The following SPTLC3 variants were observed in gnomAD, a reference collection of about 807,000 sequenced individuals.
SPTLC3 encodes serine palmitoyltransferase long chain base subunit 3, also known as serine palmitoyltransferase 3.
Under a neutral mutation model 59.3 loss-of-function variants are expected in SPTLC3, and 36 were observed. The ratio of observed to expected loss-of-function variants is 0.61; its 90% CI spans 0.47 to 0.80. The LOEUF is 0.80. Among genes scored for constraint, SPTLC3 ranks in the 30% least tolerant of loss-of-function variants. SPTLC3 has a pLI of 0.00. For missense variants in SPTLC3, 625 were observed against 685.1 expected (o/e 0.91, Z 0.98); for synonymous variants, 257 against 240.8 (o/e 1.07, Z -0.62).
At position 13,117,488 on chromosome 20, in the gene SPTLC3, T is replaced by A; in HGVS notation, c.933-18T>A. 1 of 1,557,400 alleles carries A rather than the reference T, an allele frequency of 6.4e-7. No individual in the cohort carries two copies. ...GGAGGGTATTTGTTAGTTATGAGCA[T>A]TTCTCCTTCTGCCCTAGCATGGAAG... On this transcript the variant is annotated intron_variant, in intron 7 of 11. Transcript: ENST00000399002.
intron 2 of SPTLC3, among the ~76,000 whole-genome samples, chr20:13,061,901 C>A (rs1987991703): frequency 6.6e-6 from 1 of 152,098 alleles, no homozygotes; most frequent in Non-Finnish European, 1.5e-5. Context: ...TGGCCAGAAC[C>A]CTTTAACATC....
intron 1 of SPTLC3, among the ~76,000 whole-genome samples, chr20:13,044,166 C>T (rs1311437582): frequency 6.7e-6 from 1 of 149,728 alleles, no homozygotes; most frequent in Non-Finnish European, 1.5e-5. Flanking sequence ...GTGATGCAAT[C>T]TTGGCTCACT....
chr20:13,080,613 A>T (rs1454459785), intron 4 of SPTLC3, among the ~76,000 whole-genome samples: 1 of 152,094 alleles, frequency 6.6e-6, no homozygotes, highest in Admixed American at 6.6e-5. Flanking sequence ...ATATTGAGAT[A>T]TCCTTTTTCC....
intron 9 of SPTLC3, among the ~76,000 whole-genome samples, chr20:13,137,776 C>A (rs1407070726): frequency 1.3e-5 from 2 of 152,212 alleles, no homozygotes; most frequent in African/African-American, 4.8e-5. Context: ...AGAAAGCAAT[C>A]CAGGCCTTCC....
chr20:13,024,248 T>A (rs961699084), intron 1 of SPTLC3, among the ~76,000 whole-genome samples: 5 of 152,188 alleles, frequency 3.3e-5, no homozygotes, highest in Admixed American at 6.5e-5. Context: ...GACCTGTCTT[T>A]TTATCATTAG....
chr20:13,012,644 A>C (rs1293066484), intron 1 of SPTLC3, among the ~76,000 whole-genome samples: 1 of 152,222 alleles, frequency 6.6e-6, no homozygotes. Context: ...AGGGCTAAGC[A>C]CTTCAGGCAG....
intron 6 of SPTLC3, among the ~76,000 whole-genome samples, chr20:13,100,094 T>C (rs1989552022): frequency 6.6e-6 from 1 of 152,216 alleles, no homozygotes; most frequent in Non-Finnish European, 1.5e-5. Flanking sequence ...GCAGTACCAA[T>C]GGAAGTGGAC....
chr20:13,032,708 C>T (rs1177793430), intron 1 of SPTLC3, among the ~76,000 whole-genome samples: 1 of 152,152 alleles, frequency 6.6e-6, no homozygotes, highest in African/African-American at 2.4e-5. Flanking sequence ...TCAATTTAGA[C>T]CCCTCCATGC....
chr20:13,031,613 GCA>G (rs1986455325), intron 1 of SPTLC3, among the ~76,000 whole-genome samples: 1 of 152,060 alleles, frequency 6.6e-6, no homozygotes, highest in South Asian at 2.1e-4. Flanking sequence ...GTTCTATTTT[GCA>G]CATGGTTTCT....
intron 1 of SPTLC3, among the ~76,000 whole-genome samples, chr20:13,044,567 T>C (rs1360817545): frequency 6.6e-6 from 1 of 152,210 alleles, no homozygotes; most frequent in Admixed American, 6.5e-5. Flanking sequence ...AATATTGTCT[T>C]TCTCTTTTTT....
chr20:13,154,048 G>C lies in SPTLC3; in HGVS notation c.1325G>C (p.Arg442Thr). Residue 442 changes from arginine to threonine, a missense_variant, in exon 10 of 12, where the codon AGA (arginine) becomes ACA (threonine). Physicochemically the swap from Arg to Thr is moderately conservative, Grantham distance 71. Transcript: ENST00000399002. ...QQLAKNTRYF[R>T]QRLQEMGFII... Reference sequence around the variant, plus strand: ...CTTGCGAAAAACACAAGATACTTCAGACAAAGACTGCAGGAAATGGGATTC... The same window carrying C: ...CTTGCGAAAAACACAAGATACTTCACACAAAGACTGCAGGAAATGGGATTC... 3 of 1,614,126 alleles carry C rather than the reference G, an allele frequency of 1.9e-6. No homozygotes were observed. The highest frequency in any genetic ancestry group is 2.5e-6 in the Non-Finnish European group (3 of 1,179,986).
chr20:13,059,570 A>C (rs1390280244), intron 2 of SPTLC3, among the ~76,000 whole-genome samples: 1 of 152,206 alleles, frequency 6.6e-6, no homozygotes, highest in Admixed American at 6.5e-5. Context: ...GTCTTAGCCC[A>C]TCTGTGCTTT....
intron 1 of SPTLC3, 136 bp from the exon 2 acceptor site, chr20:13,048,809 A>T: frequency 1.3e-6 from 1 of 764,660 alleles, no homozygotes; most frequent in South Asian, 2.8e-5. Context: ...ACCCTCTTCA[A>T]TGGTCAGTTT....
chr20:13,108,341 T>C (rs1600290411), intron 6 of SPTLC3, among the ~76,000 whole-genome samples: 1 of 152,196 alleles, frequency 6.6e-6, no homozygotes, highest in Admixed American at 6.5e-5. Context: ...AGAGTTGCAG[T>C]GTGGAAAAGT....
rs2039001123 is a variant in SPTLC3, at chr20:13,167,686, AT to A, written c.*2821del. ...GATGGTGTCATGGACGTTTAACCAT[AT>A]TGCCTTTCAGCATGCTTTGATTTTA... On this transcript the variant is annotated 3_prime_UTR_variant, in exon 12 of 12. Transcript: ENST00000399002. 4 of 152,268 alleles carry A rather than the reference AT, an allele frequency of 2.6e-5. No homozygotes were observed. The South Asian group carries it at 8.3e-4, about 32-fold the overall frequency. 9.4% of individuals were successfully genotyped at this position (152,268 alleles called of 1,614,324 possible).
At chr20:13,054,678 G>A (rs2122515463) in intron 2 of SPTLC3, among the ~76,000 whole-genome samples, 1 of 152,294 alleles carries the variant, frequency 6.6e-6, no homozygotes, top group Non-Finnish European at 1.5e-5. Flanking sequence ...AGATCCAGTT[G>A]GAGGGAGAAA....
At chr20:13,023,341 A>G (rs1985987646) in intron 1 of SPTLC3, among the ~76,000 whole-genome samples, 1 of 151,752 alleles carries the variant, frequency 6.6e-6, no homozygotes, top group Non-Finnish European at 1.5e-5. Flanking sequence ...ACATTAATTT[A>G]TTTCCTATCT....
At chr20:13,066,914 GA>G (rs1229153381) in intron 2 of SPTLC3, among the ~76,000 whole-genome samples, 1 of 119,362 alleles carries the variant, frequency 8.4e-6, no homozygotes, top group South Asian at 2.6e-4. Context: ...ACTGTCTTAT[GA>G]AAAAAAATCA....
intron 1 of SPTLC3, among the ~76,000 whole-genome samples, chr20:13,028,631 T>C (rs1986277074): frequency 6.6e-6 from 1 of 152,162 alleles, no homozygotes; most frequent in Non-Finnish European, 1.5e-5. Flanking sequence ...TTCATACATG[T>C]CTTTAAAGTG....
Sources: allele counts gnomAD v4.1 joint callset (sites outside exome capture counted in the v4.1 genomes callset), GRCh38; gene constraint gnomAD v4.1.1; transcripts MANE v1.5; gene names NCBI Gene and HGNC (gene_info 2026-07-23, HGNC 2026-07-21).